MTMR7: variants seen among roughly 807,000 people sequenced by gnomAD.
MTMR7 encodes the protein phosphatidylinositol-3-phosphate phosphatase MTMR7.
A neutral mutation model predicts 81.2 loss-of-function variants in MTMR7; 76 were observed. The observed-to-expected ratio is 0.94, with a 90% CI of 0.78 to 1.13. The LOEUF (loss-of-function observed/expected upper bound fraction) is 1.13, where lower values mean the gene tolerates loss of function less well. Ranked by LOEUF, MTMR7 falls within the 50% of genes most tolerant of loss-of-function variation. The pLI is 0.00. For missense variants in MTMR7, 1,044 were observed against 820.0 expected (o/e 1.27, Z -3.34); for synonymous variants, 372 against 289.8 (o/e 1.28, Z -2.88).
At chr8:17,314,359 T>C (rs1341910207) in intron 7 of MTMR7, among the ~76,000 whole-genome samples, 2 of 152,138 alleles carry the variant, frequency 1.3e-5, no homozygotes. Context: ...CCCAACTCCA[T>C]GGGCAATGAG....
At chr8:17,338,697 T>C (rs1440196590) in intron 6 of MTMR7, 2 of 151,366 alleles carry the variant, frequency 1.3e-5, no homozygotes, top group Non-Finnish European at 2.9e-5. Context: ...TTTTCTGGTA[T>C]GTTTCAGTGA....
At chr8:17,355,090 A>G (rs1307070057) in intron 4 of MTMR7, among the ~76,000 whole-genome samples, 3 of 152,204 alleles carry the variant, frequency 2.0e-5, no homozygotes, top group Non-Finnish European at 4.4e-5. Flanking sequence ...CGCTAATTCT[A>G]GAAGGAAATC....
At chr8:17,312,693 C>G (rs575925352) in intron 8 of MTMR7, among the ~76,000 whole-genome samples, 6 of 151,728 alleles carry the variant, frequency 4.0e-5, no homozygotes, top group African/African-American at 1.5e-4. Context: ...TAGAATAGTA[C>G]CTGGCACTAA....
At chr8:17,322,695 C>G (rs920411729) in intron 7 of MTMR7, among the ~76,000 whole-genome samples, 15 of 152,044 alleles carry the variant, frequency 9.9e-5, no homozygotes, top group African/African-American at 3.6e-4. Context: ...TGTGGAGGTG[C>G]ACGCCTGTAG....
chr8:17,348,005 C>T (rs371748812), intron 5 of MTMR7, among the ~76,000 whole-genome samples: 52 of 152,214 alleles, frequency 3.4e-4, no homozygotes, highest in African/African-American at 1.2e-3. Context: ...GTAGAAGGAG[C>T]TTGAGTACCT....
intron 1 of MTMR7, among the ~76,000 whole-genome samples, chr8:17,391,614 C>T (rs1035079493): frequency 2.3e-4 from 35 of 152,292 alleles, no homozygotes; most frequent in African/African-American, 8.2e-4. Context: ...CTTCCTTAAA[C>T]TACCACTACT....
At chr8:17,356,483 G>A in intron 4 of MTMR7, among the ~76,000 whole-genome samples, 1 of 152,126 alleles carries the variant, frequency 6.6e-6, no homozygotes, top group South Asian at 2.1e-4. Context: ...CAGATCACTT[G>A]AGGTCAGGAG....
At chr8:17,325,535 GC>G (rs1818637286) in intron 7 of MTMR7, among the ~76,000 whole-genome samples, 1 of 152,106 alleles carries the variant, frequency 6.6e-6, no homozygotes, top group East Asian at 1.9e-4. Context: ...GATCTGCTTG[GC>G]CCCCTTTCAT....
At chr8:17,380,227 C>T (rs537739483) in intron 1 of MTMR7, among the ~76,000 whole-genome samples, 2 of 152,096 alleles carry the variant, frequency 1.3e-5, no homozygotes, top group South Asian at 4.1e-4. Context: ...CAGGCCAACC[C>T]CAGTTGTCAG....
chr8:17,305,526 GCTGT>G (rs1223430656), intron 11 of MTMR7, among the ~76,000 whole-genome samples: 45 of 152,192 alleles, frequency 3.0e-4, no homozygotes, highest in Admixed American at 1.6e-3. Flanking sequence ...AGTCTGTCAA[GCTGT>G]CTATCAGGCA....
At chr8:17,360,980 C>G (rs1435645983) in intron 4 of MTMR7, 137 bp downstream of exon 4, 15 of 978,842 alleles carry the variant, frequency 1.5e-5, no homozygotes, top group Non-Finnish European at 2.3e-5. Context: ...CTGGCACTAA[C>G]CAAGAGAGAC....
intron 1 of MTMR7, among the ~76,000 whole-genome samples, chr8:17,393,269 A>T (rs1821156389): frequency 6.6e-6 from 1 of 152,222 alleles, no homozygotes; most frequent in South Asian, 2.1e-4. Context: ...ATATACAAAA[A>T]TTAACTCAAC....
chr8:17,302,120 C>A, intron 13 of MTMR7, 34 bp downstream of exon 13: 2 of 1,613,520 alleles, frequency 1.2e-6, no homozygotes, highest in Non-Finnish European at 1.7e-6. Context: ...GAAATAAGCA[C>A]AGAAAATAGA....
intron 3 of MTMR7, 118 bp from the exon 4 acceptor site, chr8:17,361,392 C>G: frequency 9.4e-7 from 1 of 1,061,924 alleles, no homozygotes; most frequent in East Asian, 2.5e-5. Context: ...CCCCCACCCC[C>G]AGCACACTCT....
At chr8:17,390,730 T>C (rs1410127258) in intron 1 of MTMR7, among the ~76,000 whole-genome samples, 1 of 152,130 alleles carries the variant, frequency 6.6e-6, no homozygotes, top group African/African-American at 2.4e-5. Context: ...AGCAAACACA[T>C]CGTTCTTCAC....
intron 7 of MTMR7, among the ~76,000 whole-genome samples, chr8:17,314,811 C>T (rs760200094): frequency 4.5e-4 from 68 of 152,204 alleles, no homozygotes; most frequent in Admixed American, 5.9e-4. Flanking sequence ...GATATGCAGT[C>T]GGTGAAGGGA....
intron 5 of MTMR7, 109 bp downstream of exon 5, chr8:17,348,844 T>G: frequency 7.5e-7 from 1 of 1,340,206 alleles, no homozygotes; most frequent in Non-Finnish European, 1.1e-6. Context: ...ACATACCTTC[T>G]GAAGAATTCA....
chr8:17,410,631 G>A (rs1821712383), intron 1 of MTMR7, among the ~76,000 whole-genome samples: 1 of 152,146 alleles, frequency 6.6e-6, no homozygotes, highest in South Asian at 2.1e-4. Flanking sequence ...GAAGCACTCT[G>A]CTTAGCATAT....
rs1202118717 is a variant in MTMR7, at chr8:17,297,272, A to G, written c.*2590T>C. 1.3e-5 allele frequency: 2 copies of G among 152,132 alleles called. No individual in the cohort carries two copies. Among genetic ancestry groups the G allele is most frequent in the Admixed American group, 6.5e-5 (1 of 15,270 alleles). The allele number at this position is 152,132 out of a possible 1,614,324, so 9.4% of individuals were successfully genotyped here. A position where few individuals can be genotyped will look rare whatever the true frequency, so the allele number is the denominator to read the frequency against. On this transcript the variant is annotated 3_prime_UTR_variant, in exon 14 of 14. Coordinates refer to ENST00000180173, the MANE Select transcript of MTMR7 (RefSeq NM_004686.5). ...ATCTTAAAATAGAAGAAAATTCTAA[A>G]TCAATCAATCAGTGAGATATAAACT...
Sources: allele counts gnomAD v4.1 joint callset (sites outside exome capture counted in the v4.1 genomes callset), GRCh38; gene constraint gnomAD v4.1.1; transcripts MANE v1.5; gene names NCBI Gene and HGNC (gene_info 2026-07-23, HGNC 2026-07-21).